Variants in KANSL3 observed in about 807,000 individuals in gnomAD.
The protein encoded by KANSL3 is NSL complex protein NSL3.
KANSL3 carries 16 observed loss-of-function variants against 89.2 expected under a neutral mutation model. That is an observed-to-expected ratio of 0.18 (90% CI 0.12 to 0.27). The LOEUF (loss-of-function observed/expected upper bound fraction) is 0.27, where lower values mean the gene tolerates loss of function less well. Among genes scored for constraint, KANSL3 ranks in the 10% least tolerant of loss-of-function variants. The pLI is 1.00. For synonymous variants in KANSL3, 385 were observed against 419.7 expected (o/e 0.92, Z 1.01); for missense variants, 879 against 1,110.6 (o/e 0.79, Z 2.96).
At chr2:96,587,011 T>C in the KANSL3 span, among the ~76,000 whole-genome samples, 1 of 152,334 alleles carries the variant, frequency 6.6e-6, no homozygotes, top group African/African-American at 2.4e-5. Flanking sequence ...TCCTTACATA[T>C]ATTAGTCACA....
In KANSL3 at chr2:96,605,522, G is replaced by A; in HGVS notation, c.1742-11C>T. On this transcript the variant is annotated splice_polypyrimidine_tract_variant and intron_variant, in intron 14 of 20. Transcript: ENST00000431828. Reference sequence around the variant, plus strand: ...CTGATGAAATGGGAACTAAGACATGGAGCTGAGTTGAGATCCTCCACAATC... The same window carrying A: ...CTGATGAAATGGGAACTAAGACATGAAGCTGAGTTGAGATCCTCCACAATC... The A allele has an allele frequency of 3.7e-6, 6 of 1,608,830 alleles. No individual in the cohort carries two copies. Among genetic ancestry groups the A allele is most frequent in the Non-Finnish European group, 5.1e-6 (6 of 1,175,880 alleles).
At chr2:96,588,232 G>C (rs191148255), downstream of KANSL3, among the ~76,000 whole-genome samples, 4 of 150,630 alleles carry the variant, frequency 2.7e-5, no homozygotes, top group Non-Finnish European at 4.4e-5. Context: ...TAAAGAAAAA[G>C]AAAAAATATT....
chr2:96,604,424 C>T, intron 16 of KANSL3, 44 bp from the exon 17 acceptor site: 4 of 1,594,918 alleles, frequency 2.5e-6, no homozygotes, highest in Non-Finnish European at 3.4e-6. Context: ...GGTCACAGGA[C>T]AGCAAGCCCT....
chr2:96,581,731 T>C, the KANSL3 span, among the ~76,000 whole-genome samples: 1 of 152,226 alleles, frequency 6.6e-6, no homozygotes, highest in Non-Finnish European at 1.5e-5. Context: ...TGGACTTGTG[T>C]CTGAGTACTT....
At chr2:96,605,628 T>TCTAC in intron 14 of KANSL3, 117 bp from the exon 15 acceptor site, 1 of 838,814 alleles carries the variant, frequency 1.2e-6, no homozygotes, top group Non-Finnish European at 1.9e-6. Context: ...GGATAACCAC[T>TCTAC]CTACGTACAG....
At chr2:96,602,410 A>G (rs2067311615) in intron 18 of KANSL3, 72 bp from the exon 19 acceptor site, 1 of 1,130,756 alleles carries the variant, frequency 8.8e-7, no homozygotes, top group Non-Finnish European at 1.3e-6. Context: ...GAGGGCCCAC[A>G]GCATATTATT....
At chr2:96,612,958 A>G (rs1460354303) in intron 6 of KANSL3, 24 bp from the exon 7 acceptor site, 18 of 1,470,792 alleles carry the variant, frequency 1.2e-5, no homozygotes, top group Non-Finnish European at 1.5e-5. Flanking sequence ...ATCCCACCCA[A>G]AAACCAGTGA....
chr2:96,633,606 C>T lies in KANSL3; in HGVS notation c.216-2124G>A, dbSNP rs549524943. ...AAAGGCCGGACATGGTGGCTCATGC[C>T]GGTAATCCCAGCACTCTGGGAGGCA... is the stretch of plus-strand genomic sequence containing the variant. On this transcript the variant is annotated intron_variant, in intron 2 of 20. Coordinates refer to ENST00000431828, the MANE Select transcript of KANSL3 (RefSeq NM_001115016.3). 1.1e-4 allele frequency among the ~76,000 whole-genome samples: 17 copies of T among 149,650 alleles called. No individual in the cohort carries two copies. The South Asian group carries it at 2.5e-3, about 22-fold the overall frequency.
chr2:96,601,000 G>C lies in KANSL3; in HGVS notation c.2616+643C>G, dbSNP rs190146321. ...CTGTCTCCATGTCCTTAAAAACAAA[G>C]AAAGGGCCAGGAGCGGTGGCTCACA... On this transcript the variant is annotated intron_variant, in intron 20 of 20. Transcript: ENST00000431828. 1.1e-4 allele frequency: 71 copies of C among 624,768 alleles called. No homozygotes were observed. In the East Asian group the frequency reaches 2.5e-3, roughly 22 times the overall value. The allele number at this position is 624,768 out of a possible 1,614,324, so 38.7% of individuals were successfully genotyped here. A position where few individuals can be genotyped will look rare whatever the true frequency, so the allele number is the denominator to read the frequency against.
At chr2:96,611,634 T>A (rs187602290) in intron 9 of KANSL3, among the ~76,000 whole-genome samples, 10 of 152,284 alleles carry the variant, frequency 6.6e-5, no homozygotes, top group Admixed American at 6.5e-4. Flanking sequence ...CTCATAGCTA[T>A]CACACTTGAT....
chr2:96,588,040 C>A, the KANSL3 span, among the ~76,000 whole-genome samples: 1 of 152,000 alleles, frequency 6.6e-6, no homozygotes, highest in Non-Finnish European at 1.5e-5. Flanking sequence ...ATCTAATAGT[C>A]ATGCCACTGG....
At chr2:96,637,937 G>A (rs914418207) in intron 1 of KANSL3, 2 of 152,310 alleles carry the variant, frequency 1.3e-5, no homozygotes, top group African/African-American at 2.4e-5. Context: ...AGGAGACAGG[G>A]CTATGACTCG....
At chr2:96,581,258 T>C in the KANSL3 span, among the ~76,000 whole-genome samples, 1 of 152,164 alleles carries the variant, frequency 6.6e-6, no homozygotes, top group African/African-American at 2.4e-5. Flanking sequence ...ACCCCATCTC[T>C]ACTAAAAATA....
At chr2:96,633,164 T>A (rs2073708805) in intron 2 of KANSL3, among the ~76,000 whole-genome samples, 1 of 148,758 alleles carries the variant, frequency 6.7e-6, no homozygotes, top group African/African-American at 2.5e-5. Flanking sequence ...GAGGCTGAGG[T>A]GGGAGATCAA....
At chr2:96,585,129 T>A in the KANSL3 span, among the ~76,000 whole-genome samples, 2 of 152,030 alleles carry the variant, frequency 1.3e-5, no homozygotes, top group African/African-American at 4.8e-5. Context: ...AGAACAAAAA[T>A]AAATAGATGG....
chr2:96,596,206 T>TC (rs942115816), intron 20 of KANSL3, among the ~76,000 whole-genome samples: 1 of 152,324 alleles, frequency 6.6e-6, no homozygotes, highest in African/African-American at 2.4e-5. Flanking sequence ...ACCAACGCTT[T>TC]CCCCACTTTT....
intron 3 of KANSL3, among the ~76,000 whole-genome samples, chr2:96,623,080 G>C (rs953556896): frequency 6.6e-6 from 1 of 152,208 alleles, no homozygotes; most frequent in Admixed American, 6.5e-5. Flanking sequence ...AAGATGGCCA[G>C]GACTTTTGCT....
At chr2:96,601,993 A>G (rs1340557262) in intron 19 of KANSL3, 123 bp downstream of exon 19, 2 of 1,184,194 alleles carry the variant, frequency 1.7e-6, no homozygotes, top group Non-Finnish European at 2.3e-6. Flanking sequence ...GCTGAATCCA[A>G]AGGTCAATGC....
intron 3 of KANSL3, among the ~76,000 whole-genome samples, chr2:96,625,110 TGA>T (rs1489893980): frequency 6.6e-6 from 1 of 152,098 alleles, no homozygotes; most frequent in South Asian, 2.1e-4. Flanking sequence ...CTCGGGAGGC[TGA>T]GAGAGGAGAA....
Sources: gnomAD v4.1 joint callset for allele counts (sites outside exome capture counted in the v4.1 genomes callset) on GRCh38, gnomAD v4.1.1 for gene constraint, MANE v1.5 for transcripts, NCBI Gene and HGNC (gene_info 2026-07-23, HGNC 2026-07-21) for gene names.